The following DIP2C variants were observed in gnomAD, a reference collection of about 807,000 sequenced individuals.
DIP2C encodes disco-interacting protein 2 homolog C.
DIP2C carries 33 observed loss-of-function variants against 192.4 expected under a neutral mutation model. The ratio of observed to expected loss-of-function variants is 0.17; its 90% CI spans 0.13 to 0.23. The LOEUF is 0.23. Ranked by LOEUF, DIP2C falls within the 10% of genes least tolerant of loss-of-function variation. DIP2C has a pLI of 1.00. For synonymous variants in DIP2C, 979 were observed against 864.1 expected (o/e 1.13, Z -2.33); for missense variants, 1,537 against 2,110.1 (o/e 0.73, Z 5.32).
intron 1 of DIP2C, chr10:630,995 TG>T (rs1456503449): frequency 3.9e-5 from 6 of 152,230 alleles, no homozygotes; most frequent in African/African-American, 1.4e-4. Flanking sequence ...GGCTCCTCAA[TG>T]GGGAATTCTG....
At chr10:310,320 G>A (rs1278157013) in intron 31 of DIP2C, among the ~76,000 whole-genome samples, 3 of 152,118 alleles carry the variant, frequency 2.0e-5, no homozygotes, top group East Asian at 3.8e-4. Context: ...CAGCTTGACC[G>A]CCAATATATA....
chr10:596,496 C>CAAAAAAAAAAAAAAAAAA (rs56298679), intron 1 of DIP2C, among the ~76,000 whole-genome samples: 3 of 52,934 alleles, frequency 5.7e-5, no homozygotes, highest in African/African-American at 1.5e-4. Context: ...AACTCCATCT[C>CAAAAAAAAAAAAAAAAAA]AAAAAAAAAA....
Position 390,348 on chromosome 10 carries a change from G to A in DIP2C, c.1410C>T (p.Val470=). The A allele has an allele frequency of 1.2e-6, 2 of 1,613,910 alleles. No individual in the cohort carries two copies. Among genetic ancestry groups the A allele is most frequent in the Non-Finnish European group, 1.7e-6 (2 of 1,180,004 alleles). ...GTTTGGAGAGATGTTTAGACTCTGT[G>A]ACAAACCACAGCAGCTTTGGCCAAC... The part of the protein sequence containing the change: ...FKGWPKLLWF[V]TESKHLSKPP... The change falls in exon 12 of 37, where the codon GTC becomes GTT. Residue 470 remains valine (V), a synonymous_variant. Transcript: ENST00000280886.
intron 4 of DIP2C, among the ~76,000 whole-genome samples, chr10:435,568 G>A (rs1967111825): frequency 6.6e-6 from 1 of 152,180 alleles, no homozygotes; most frequent in Non-Finnish European, 1.5e-5. Context: ...CTGCTCCAGT[G>A]TATGGTGATT....
At chr10:585,889 C>T (rs1005642132) in intron 1 of DIP2C, among the ~76,000 whole-genome samples, 2 of 152,274 alleles carry the variant, frequency 1.3e-5, no homozygotes, top group East Asian at 3.9e-4. Flanking sequence ...ATTTAATCAC[C>T]ATATTAGAGG....
intron 26 of DIP2C, among the ~76,000 whole-genome samples, chr10:345,522 TCCCAGACACACCGCGCATAGTTCTCCC>T (rs1958406368): frequency 5.8e-5 from 2 of 34,612 alleles, no homozygotes; most frequent in Non-Finnish European, 1.2e-4. Context: ...CAAACACCCA[TCCCAGACACACCGCGCATAGTTCTCCC>T]GGAAACCCCC....
At position 686,168 on chromosome 10, in the gene DIP2C, T is replaced by G. The variant is rs1050615843; in HGVS notation, c.85+3326A>C. 7.4e-4 allele frequency among the ~76,000 whole-genome samples: 112 copies of G among 152,174 alleles called. 1 individual carries two copies. The highest frequency in any genetic ancestry group is 3.4e-3 in the Middle Eastern group (1 of 294). ...AGAAAATATTCTGGGGAAAGGAGTA[T>G]GAGAAAGCAGCCGCCACAGCCCTCT... On this transcript the variant is annotated intron_variant, in intron 1 of 36. Coordinates refer to ENST00000280886, the MANE Select transcript of DIP2C (RefSeq NM_014974.3).
At chr10:297,609 G>T (rs946235329) in intron 32 of DIP2C, among the ~76,000 whole-genome samples, 5 of 152,214 alleles carry the variant, frequency 3.3e-5, no homozygotes, top group African/African-American at 4.8e-5. Flanking sequence ...CTCATATGTG[G>T]AAGCTAAAGA....
At chr10:518,363 G>T (rs1846496180) in intron 1 of DIP2C, among the ~76,000 whole-genome samples, 1 of 152,244 alleles carries the variant, frequency 6.6e-6, no homozygotes, top group Non-Finnish European at 1.5e-5. Context: ...TTGCACCGCT[G>T]GCAGCTCCCC....
intron 3 of DIP2C, among the ~76,000 whole-genome samples, chr10:445,504 A>G (rs1407386594): frequency 6.6e-6 from 1 of 150,726 alleles, no homozygotes; most frequent in Admixed American, 6.6e-5. Flanking sequence ...TGAAGAGTCT[A>G]TCTTGCACTG....
At chr10:661,738 A>C (rs987585223) in intron 1 of DIP2C, among the ~76,000 whole-genome samples, 2 of 152,046 alleles carry the variant, frequency 1.3e-5, no homozygotes, top group Non-Finnish European at 2.9e-5. Flanking sequence ...CTTGACCTGC[A>C]CTTCTATGTA....
rs192541755 is a variant in DIP2C, at chr10:357,974, A to T, written c.2795-37T>A. On this transcript the variant is annotated intron_variant, in intron 22 of 36. Transcript: ENST00000280886. ...CAGAGACATGGCCATGAGGAAACAA[A>T]AGAGAAATTCCTTCAGACTAGACCT... The T allele has an allele frequency of 1.3e-4, 206 of 1,542,318 alleles. 1 individual carries two copies. The African/African-American group carries it at 2.3e-3, about 17-fold the overall frequency.
intron 3 of DIP2C, among the ~76,000 whole-genome samples, chr10:467,612 G>A (rs925519425): frequency 6.9e-6 from 1 of 145,002 alleles, no homozygotes; most frequent in Non-Finnish European, 1.5e-5. Flanking sequence ...CCATGGAATA[G>A]TATGCAGCCA....
chr10:650,105 C>A (rs561581615), intron 1 of DIP2C: 3 of 716,916 alleles, frequency 4.2e-6, no homozygotes, highest in African/African-American at 1.7e-5. Context: ...ACACCTCCTG[C>A]GGCCCATGGA....
At chr10:572,885 G>A (rs780952989) in intron 1 of DIP2C, among the ~76,000 whole-genome samples, 10 of 152,128 alleles carry the variant, frequency 6.6e-5, no homozygotes, top group South Asian at 2.1e-4. Context: ...GGCGGGACTC[G>A]CTAAACAGGC....
At chr10:649,952 C>A (rs1286638830) in intron 1 of DIP2C, 3 of 614,598 alleles carry the variant, frequency 4.9e-6, no homozygotes, top group Non-Finnish European at 8.7e-6. Context: ...ACCATTAACA[C>A]ATCAAAACGG....
At chr10:389,896 C>T (rs1010935684) in intron 13 of DIP2C, 95 bp downstream of exon 13, 1 of 989,038 alleles carries the variant, frequency 1.0e-6, no homozygotes, top group Admixed American at 2.2e-5. Context: ...AAACTTCACG[C>T]TATTTCTATG....
chr10:603,333 A>AC (rs375043583), intron 1 of DIP2C, among the ~76,000 whole-genome samples: 5 of 121,136 alleles, frequency 4.1e-5, no homozygotes, highest in African/African-American at 7.1e-5. Context: ...AAAAAAAAAA[A>AC]CCAACCATGA....
At chr10:359,353 C>T (rs543252221) in intron 22 of DIP2C, among the ~76,000 whole-genome samples, 274 of 152,284 alleles carry the variant, frequency 1.8e-3, no homozygotes, top group Middle Eastern at 0.014. Flanking sequence ...GGAGAAGGCA[C>T]GGCACTTCAG....
Sources: allele counts gnomAD v4.1 joint callset (sites outside exome capture counted in the v4.1 genomes callset), GRCh38; gene constraint gnomAD v4.1.1; transcripts MANE v1.5; gene names NCBI Gene and HGNC (gene_info 2026-07-23, HGNC 2026-07-21).